EPB41L5: variants seen among roughly 807,000 people sequenced by gnomAD.
EPB41L5 encodes band 4.1-like protein 5.
EPB41L5 carries 55 observed loss-of-function variants against 106.6 expected under a neutral mutation model. The observed-to-expected ratio is 0.52, with a 90% CI of 0.42 to 0.65. EPB41L5 has a LOEUF of 0.65. Ranked by LOEUF, EPB41L5 falls within the 30% of genes least tolerant of loss-of-function variation. The probability of loss-of-function intolerance (pLI) is 0.00; values close to 1 mark genes in which losing one functional copy is unlikely to be tolerated. For missense variants in EPB41L5, 871 were observed against 882.1 expected, an observed-to-expected ratio of 0.99 and a Z score of 0.16; for synonymous variants, 297 against 306.7, an observed-to-expected ratio of 0.97 and a Z score of 0.33.
chr2:120,075,774 CTGT>C (rs1325852978), intron 7 of EPB41L5, 21 bp downstream of exon 7: 1 of 1,575,104 alleles, frequency 6.3e-7, no homozygotes, highest in Non-Finnish European at 8.7e-7. Flanking sequence ...CTTATGTTGA[CTGT>C]TAAGACTCAA....
chr2:120,094,641 A>G (rs1683625856), intron 14 of EPB41L5, among the ~76,000 whole-genome samples: 1 of 151,956 alleles, frequency 6.6e-6, no homozygotes, highest in Non-Finnish European at 1.5e-5. Flanking sequence ...CTGTTTTTCT[A>G]GTATTTAAGG....
At chr2:120,158,518 G>C (rs1468608692) in intron 20 of EPB41L5, among the ~76,000 whole-genome samples, 1 of 152,106 alleles carries the variant, frequency 6.6e-6, no homozygotes, top group African/African-American at 2.4e-5. Context: ...TGCAGAAAAG[G>C]CTTTTGACAA....
chr2:120,151,609 C>T (rs1686679377), intron 20 of EPB41L5, among the ~76,000 whole-genome samples: 1 of 145,254 alleles, frequency 6.9e-6, no homozygotes, highest in Non-Finnish European at 1.5e-5. Context: ...TGCGTCTGGC[C>T]CTTTTTTTTT....
At chr2:120,028,375 A>T (rs886256294) in intron 2 of EPB41L5, among the ~76,000 whole-genome samples, 2 of 151,922 alleles carry the variant, frequency 1.3e-5, no homozygotes, top group Non-Finnish European at 2.9e-5. Flanking sequence ...TTCAAAAGAA[A>T]ATAAAAGAAA....
chr2:120,053,023 C>CT (rs1488210041), intron 3 of EPB41L5, among the ~76,000 whole-genome samples: 5 of 152,204 alleles, frequency 3.3e-5, no homozygotes, highest in African/African-American at 1.2e-4. Context: ...TAGCCTCTCC[C>CT]TGTGTACATG....
chr2:120,124,942 G>A (rs1450043549), intron 16 of EPB41L5, among the ~76,000 whole-genome samples: 3 of 152,140 alleles, frequency 2.0e-5, no homozygotes, highest in African/African-American at 7.2e-5. Flanking sequence ...CTTTGTAAAA[G>A]TACTTTTTCC....
At chr2:120,050,269 G>C (rs1050126834) in intron 3 of EPB41L5, among the ~76,000 whole-genome samples, 3 of 152,080 alleles carry the variant, frequency 2.0e-5, no homozygotes, top group Non-Finnish European at 2.9e-5. Context: ...TTTCCAGCTT[G>C]GTTCCATTCT....
chr2:120,112,378 A>G (rs1415224224), intron 16 of EPB41L5, among the ~76,000 whole-genome samples: 1 of 152,166 alleles, frequency 6.6e-6, no homozygotes, highest in Non-Finnish European at 1.5e-5. Flanking sequence ...CACTCCATAT[A>G]TATTATTTGA....
rs892206866 is a variant in EPB41L5, at chr2:120,105,856, A to G, written c.1337+5042A>G. 35 of 985,370 alleles carry G rather than the reference A, an allele frequency of 3.6e-5. No homozygotes were observed. The African/African-American group carries it at 4.7e-4, about 13-fold the overall frequency. The allele number at this position is 985,370 out of a possible 1,614,324, so 61.0% of individuals were successfully genotyped here. ...GAGGAATTTGGATTATAACATTTTA[A>G]GCACAGAAGCTCTGGGTTGTGCCAT... On this transcript the variant is annotated intron_variant, in intron 16 of 24. Coordinates refer to ENST00000263713, the MANE Select transcript of EPB41L5 (RefSeq NM_020909.4).
intron 3 of EPB41L5, among the ~76,000 whole-genome samples, chr2:120,043,628 G>T (rs1432113848): frequency 6.6e-6 from 1 of 151,778 alleles, no homozygotes; most frequent in Non-Finnish European, 1.5e-5. Context: ...GTTCCAGATA[G>T]CTGGGAGACT....
intron 16 of EPB41L5, among the ~76,000 whole-genome samples, chr2:120,126,670 G>T (rs542720596): frequency 2.0e-5 from 3 of 152,224 alleles, no homozygotes; most frequent in Non-Finnish European, 4.4e-5. Context: ...CTTTGTGCCA[G>T]TATCAGCCTG....
At chr2:120,155,231 T>C (rs1444178302) in intron 20 of EPB41L5, among the ~76,000 whole-genome samples, 2 of 152,176 alleles carry the variant, frequency 1.3e-5, no homozygotes, top group African/African-American at 4.8e-5. Flanking sequence ...TCTGAGAATG[T>C]CTTAATTTCG....
intron 24 of EPB41L5, among the ~76,000 whole-genome samples, chr2:120,168,553 C>A (rs765098278): frequency 1.2e-4 from 18 of 152,174 alleles, no homozygotes; most frequent in Non-Finnish European, 2.1e-4. Flanking sequence ...CATAACTGCA[C>A]CTGTTTTACA....
chr2:120,178,763 T>C lies in EPB41L5; in HGVS notation c.*3856T>C, dbSNP rs1558926373. On this transcript the variant is annotated 3_prime_UTR_variant, in exon 25 of 25. Transcript: ENST00000263713. ...CTTCCCAGTTCTAAGAGATACGATC[T>C]GTAAGTCCCTATGTCACCACATTGC... The C allele has an allele frequency of 6.6e-6, 1 of 152,256 alleles. No individual in the cohort carries two copies. Among genetic ancestry groups the C allele is most frequent in the Non-Finnish European group, 1.5e-5 (1 of 68,048 alleles). 9.4% of individuals were successfully genotyped at this position (152,256 alleles called of 1,614,324 possible). A position where few individuals can be genotyped will look rare whatever the true frequency, so the allele number is the denominator to read the frequency against.
chr2:120,106,431 A>C, intron 16 of EPB41L5: 2 of 985,306 alleles, frequency 2.0e-6, no homozygotes, highest in Non-Finnish European at 2.4e-6. Flanking sequence ...ATTTATAAGT[A>C]GCTCAACCTA....
chr2:120,128,860 A>T (rs1685570823), intron 17 of EPB41L5, among the ~76,000 whole-genome samples: 1 of 152,146 alleles, frequency 6.6e-6, no homozygotes, highest in African/African-American at 2.4e-5. Flanking sequence ...AATATCCCCC[A>T]TTACTATTTC....
At chr2:120,093,204 A>T in intron 13 of EPB41L5, 45 bp from the exon 14 acceptor site, 1 of 1,534,210 alleles carries the variant, frequency 6.5e-7, no homozygotes, top group Non-Finnish European at 9.0e-7. Flanking sequence ...GCAGTTTATC[A>T]TGTAAGATGA....
chr2:120,020,389 T>TTAA (rs1677840633), intron 2 of EPB41L5, among the ~76,000 whole-genome samples: 1 of 152,246 alleles, frequency 6.6e-6, no homozygotes, highest in African/African-American at 2.4e-5. Flanking sequence ...ATTAGATATG[T>TTAA]ACATTATACA....
chr2:120,075,393 T>G, intron 5 of EPB41L5, 83 bp from the exon 6 acceptor site: 1 of 993,336 alleles, frequency 1.0e-6, no homozygotes. Flanking sequence ...AATGAAATAA[T>G]ACTTCTCAAG....
Sources: allele counts gnomAD v4.1 joint callset (sites outside exome capture counted in the v4.1 genomes callset), GRCh38; gene constraint gnomAD v4.1.1; transcripts MANE v1.5; gene names NCBI Gene and HGNC (gene_info 2026-07-23, HGNC 2026-07-21).